ACACA: variants seen among roughly 807,000 people sequenced by gnomAD.
ACACA encodes the protein acetyl-CoA carboxylase 1.
ACACA carries 103 observed loss-of-function variants against 296.1 expected under a neutral mutation model. That is an observed-to-expected ratio of 0.35 (90% CI 0.30 to 0.41). ACACA has a LOEUF of 0.41. Among genes scored for constraint, ACACA ranks in the 10% least tolerant of loss-of-function variants. The pLI, the probability that ACACA is intolerant of heterozygous loss-of-function variation, is 1.00. For synonymous variants in ACACA, 953 were observed against 1,038.6 expected (o/e 0.92, Z 1.58); for missense variants, 1,554 against 2,989.7 (o/e 0.52, Z 11.20).
chr17:37,094,577 C>CCG (rs2072863039), intron 54 of ACACA, among the ~76,000 whole-genome samples: 1 of 146,494 alleles, frequency 6.8e-6, no homozygotes, highest in Non-Finnish European at 1.5e-5. Context: ...GAACCACCCC[C>CCG]CCCCCCCCAC....
chr17:37,094,927 C>A (rs1394151785), intron 54 of ACACA, among the ~76,000 whole-genome samples: 1 of 152,252 alleles, frequency 6.6e-6, no homozygotes, highest in Non-Finnish European at 1.5e-5. Context: ...GGTGGGGGTT[C>A]TCTTCTGTGC....
chr17:37,121,840 C>T (rs2074541419), intron 49 of ACACA, among the ~76,000 whole-genome samples: 1 of 152,208 alleles, frequency 6.6e-6, no homozygotes, highest in Non-Finnish European at 1.5e-5. Context: ...CCAGTCCTTT[C>T]ACCTTTGTGC....
chr17:37,400,772 C>T (rs2051257608), intron 1 of ACACA, among the ~76,000 whole-genome samples: 1 of 151,662 alleles, frequency 6.6e-6, no homozygotes, highest in Non-Finnish European at 1.5e-5. Context: ...ATCTATATCT[C>T]ACATTTTCTT....
intron 29 of ACACA, among the ~76,000 whole-genome samples, chr17:37,217,674 G>T (rs1043409798): frequency 7.2e-6 from 1 of 138,376 alleles, no homozygotes; most frequent in Non-Finnish European, 1.5e-5. Context: ...GGCAGAGCTT[G>T]CAGTGAGCCC....
At chr17:37,316,302 T>TACACATACACACACAC (rs1555642000) in intron 3 of ACACA, among the ~76,000 whole-genome samples, 1 of 142,506 alleles carries the variant, frequency 7.0e-6, no homozygotes. Context: ...TACCCTTACA[T>TACACATACACACACAC]ACACACACAC....
At chr17:37,260,296 A>T (rs1332826313) in intron 11 of ACACA, among the ~76,000 whole-genome samples, 4,443 of 18,776 alleles carry the variant, frequency 0.24, 404 homozygotes, top group South Asian at 0.49. Context: ...ATATATATAT[A>T]TTTTTTTTTT....
At chr17:37,205,563 C>A (rs1468905842) in intron 33 of ACACA, among the ~76,000 whole-genome samples, 1 of 152,008 alleles carries the variant, frequency 6.6e-6, no homozygotes, top group Non-Finnish European at 1.5e-5. Flanking sequence ...TATTTGAGGT[C>A]TATTATCTGT....
At chr17:37,368,165 G>C (rs1408690504) in intron 1 of ACACA, among the ~76,000 whole-genome samples, 3 of 152,212 alleles carry the variant, frequency 2.0e-5, no homozygotes, top group African/African-American at 7.2e-5. Context: ...TTAGCTATGA[G>C]GGAGGCTGAG....
At chr17:37,125,895 G>A (rs991547087) in intron 47 of ACACA, 101 bp from the exon 48 acceptor site, 2 of 1,078,080 alleles carry the variant, frequency 1.9e-6, no homozygotes, top group Non-Finnish European at 2.8e-6. Flanking sequence ...ATTATTTTGG[G>A]GAGTTTGTTG....
At chr17:37,371,435 C>G (rs1187620670) in intron 1 of ACACA, among the ~76,000 whole-genome samples, 1 of 151,988 alleles carries the variant, frequency 6.6e-6, no homozygotes, top group East Asian at 1.9e-4. Context: ...AGGAAAGAGA[C>G]CGGAGGACCA....
At chr17:37,300,109 G>C (rs1412329939) in intron 3 of ACACA, among the ~76,000 whole-genome samples, 1 of 152,152 alleles carries the variant, frequency 6.6e-6, no homozygotes, top group Non-Finnish European at 1.5e-5. Flanking sequence ...TAGGAATGGA[G>C]CTGGTACAAA....
At position 37,235,118 on chromosome 17, in the gene ACACA, A is replaced by C. The variant is rs1173721277; in HGVS notation, c.3122-19T>G. The C allele has an allele frequency of 6.2e-7, 1 of 1,612,802 alleles. No individual in the cohort carries two copies. Among genetic ancestry groups the C allele is most frequent in the Admixed American group, 1.7e-5 (1 of 60,014 alleles). On this transcript the variant is annotated intron_variant, in intron 24 of 55. Transcript: ENST00000616317. Reference sequence around the variant, plus strand: ...TAGTGACCTGCACACCATGAAAAGAACTGGTTCTCACCCATGTATAAATGT... The same window carrying C: ...TAGTGACCTGCACACCATGAAAAGACCTGGTTCTCACCCATGTATAAATGT...
intron 2 of ACACA, among the ~76,000 whole-genome samples, chr17:37,332,529 G>A (rs1298362147): frequency 6.7e-6 from 1 of 149,616 alleles, no homozygotes; most frequent in Non-Finnish European, 1.5e-5. Context: ...CTAACAACTT[G>A]GGAGGCAGAG....
rs796871691 is a variant in ACACA at position 37,394,215 on chromosome 17, C to CTTTTTTTTTTTTTTT, written c.38+12046_38+12047insAAAAAAAAAAAAAAA. Reference sequence around the variant, plus strand: ...ATTATTTGCTGTTTCTTTTCTTTTTCTTTTTTTTTTTTTGAGATGCAGTTT... The same window carrying CTTTTTTTTTTTTTTT: ...ATTATTTGCTGTTTCTTTTCTTTTTCTTTTTTTTTTTTTTTTTTTTTTTTTTTTGAGATGCAGTTT... On this transcript the variant is annotated intron_variant, in intron 1 of 55. Coordinates refer to ENST00000616317, the MANE Select transcript of ACACA (RefSeq NM_198834.3). Among the ~76,000 whole-genome samples the CTTTTTTTTTTTTTTT allele has an allele frequency of 5.5e-5, 8 of 144,488 alleles. No homozygotes were observed. In the East Asian group the frequency reaches 1.2e-3, roughly 22 times the overall value. 94.8% of individuals were successfully genotyped at this position (144,488 alleles called of 152,430 possible).
intron 42 of ACACA, among the ~76,000 whole-genome samples, chr17:37,160,614 C>T (rs1316602657): frequency 6.6e-6 from 1 of 152,088 alleles, no homozygotes; most frequent in Non-Finnish European, 1.5e-5. Flanking sequence ...TGGGCAGGTG[C>T]AGGCATGGGA....
At chr17:37,357,491 T>TCAAA (rs779727019) in intron 1 of ACACA, among the ~76,000 whole-genome samples, 1 of 152,190 alleles carries the variant, frequency 6.6e-6, no homozygotes, top group East Asian at 1.9e-4. Flanking sequence ...AGACTCCATC[T>TCAAA]CAAACAAACA....
At position 37,191,328 on chromosome 17, in the gene ACACA, G is replaced by A. The variant is rs1039986783; in HGVS notation, c.4417-53C>T. 2.0e-6 allele frequency: 3 copies of A among 1,534,148 alleles called. No individual in the cohort carries two copies. The African/African-American group carries it at 4.1e-5, about 21-fold the overall frequency. ...AATGTAGTTTAAAAGAGGCAATAAA[G>A]AAATGGCTATTATAATCACTTAAGC... is the stretch of plus-strand genomic sequence containing the variant. On this transcript the variant is annotated intron_variant, in intron 37 of 55. Transcript: ENST00000616317.
chr17:37,268,737 C>CTATATCTA (rs1302264722), intron 10 of ACACA, among the ~76,000 whole-genome samples: 1 of 70,934 alleles, frequency 1.4e-5, no homozygotes, highest in African/African-American at 6.0e-5. Context: ...ATCTATCTAT[C>CTATATCTA]TATCTATATA....
At position 37,175,141 on chromosome 17, in the gene ACACA, G is replaced by A. The variant is rs2077061990; in HGVS notation, c.5079+4119C>T. 2.0e-5 allele frequency among the ~76,000 whole-genome samples: 3 copies of A among 152,166 alleles called. No individual in the cohort carries two copies. In the South Asian group the frequency reaches 6.2e-4, roughly 31 times the overall value. On this transcript the variant is annotated intron_variant, in intron 41 of 55. Transcript: ENST00000616317. ...ATATCTTTCAGCATTGCCCACTTTAGAGATTACTGGTCTAGTTCGCAGAGC... is the reference window on the plus strand; with the variant it reads ...ATATCTTTCAGCATTGCCCACTTTAAAGATTACTGGTCTAGTTCGCAGAGC...
Sources: allele counts gnomAD v4.1 joint callset (sites outside exome capture counted in the v4.1 genomes callset), GRCh38; gene constraint gnomAD v4.1.1; transcripts MANE v1.5; gene names NCBI Gene and HGNC (gene_info 2026-07-23, HGNC 2026-07-21).